NAA35: variants seen among roughly 807,000 people sequenced by gnomAD.
NAA35 encodes MAK10 homolog, amino-acid N-acetyltransferase subunit.
Under a neutral mutation model 101.7 loss-of-function variants are expected in NAA35, and 18 were observed. The ratio of observed to expected loss-of-function variants is 0.18; its 90% confidence interval spans 0.12 to 0.26. The LOEUF (loss-of-function observed/expected upper bound fraction) is 0.26, where lower values mean the gene tolerates loss of function less well. NAA35 is among the 10% of genes least tolerant of loss of function. The pLI is 1.00. For synonymous variants in NAA35, 267 were observed against 273.1 expected, an observed-to-expected ratio of 0.98 and a Z score of 0.22; for missense variants, 601 against 886.8, an observed-to-expected ratio of 0.68 and a Z score of 4.09.
chr9:85,947,056 A>G (rs1828800542), intron 2 of NAA35, among the ~76,000 whole-genome samples: 1 of 152,152 alleles, frequency 6.6e-6, no homozygotes, highest in African/African-American at 2.4e-5. Flanking sequence ...TGTTTCTTCA[A>G]ACTGGAGAAT....
At chr9:85,948,331 C>G (rs912535490) in intron 2 of NAA35, among the ~76,000 whole-genome samples, 1 of 152,168 alleles carries the variant, frequency 6.6e-6, no homozygotes, top group African/African-American at 2.4e-5. Context: ...ATTAATGAAT[C>G]TAGAATTCAT....
At chr9:85,962,717 A>G (rs1829574271) in intron 6 of NAA35, among the ~76,000 whole-genome samples, 1 of 152,156 alleles carries the variant, frequency 6.6e-6, no homozygotes. Context: ...TTTCTGTAGT[A>G]CCATTCATTG....
At chr9:86,017,365 C>T (rs921445476) in intron 18 of NAA35, 133 bp from the exon 19 acceptor site, 17 of 635,040 alleles carry the variant, frequency 2.7e-5, no homozygotes, top group South Asian at 7.6e-5. Flanking sequence ...AAAATTTAAC[C>T]TGTAGGAACA....
At chr9:85,965,486 G>T (rs1829704335) in intron 6 of NAA35, among the ~76,000 whole-genome samples, 1 of 152,026 alleles carries the variant, frequency 6.6e-6, no homozygotes. Context: ...AAATTAGCTG[G>T]GTGTGGTGCT....
At chr9:85,974,666 T>C (rs1236771334) in intron 6 of NAA35, among the ~76,000 whole-genome samples, 2 of 152,226 alleles carry the variant, frequency 1.3e-5, no homozygotes, top group Admixed American at 6.5e-5. Flanking sequence ...GTGAGAATTA[T>C]TACTGTGCGA....
Position 85,950,419 on chromosome 9 carries a change from A to G in NAA35, c.125-5941A>G, listed in dbSNP as rs900509026. On this transcript the variant is annotated intron_variant, in intron 2 of 22. Transcript: ENST00000361671. ...TGCCACCGCACCTGGCTAATTTTGT[A>G]TTTTTAGCAGAGATGGGGTTTCACC... 2.6e-5 allele frequency among the ~76,000 whole-genome samples: 4 copies of G among 152,156 alleles called. No homozygotes were observed. In the South Asian group the frequency reaches 6.2e-4, roughly 24 times the overall value.
intron 11 of NAA35, among the ~76,000 whole-genome samples, chr9:85,982,261 AGCAGATG>A (rs888177201): frequency 2.6e-5 from 4 of 152,092 alleles, no homozygotes; most frequent in Non-Finnish European, 5.9e-5. Context: ...TTATTGAGGG[AGCAGATG>A]GTATTTACTT....
chr9:85,976,775 T>G, intron 9 of NAA35, 40 bp downstream of exon 9: 1 of 1,437,532 alleles, frequency 7.0e-7, no homozygotes, highest in Non-Finnish European at 9.6e-7. Context: ...ATCAGAGAAG[T>G]CTACCTGTTA....
rs1386245580 is a variant in NAA35 at position 85,986,418 on chromosome 9, T to C, written c.877+8037T>C. ...TGCAGGCATGTAATTTGTATGTGGT[T>C]ACAGTGCTACTTGTTTTTTGTTTTA... On this transcript the variant is annotated intron_variant, in intron 11 of 22. Coordinates refer to ENST00000361671, the MANE Select transcript of NAA35 (RefSeq NM_024635.4). 6.4e-6 allele frequency: 3 copies of C among 470,104 alleles called. No individual in the cohort carries two copies. In the East Asian group the frequency reaches 2.1e-4, roughly 33 times the overall value. The allele number at this position is 470,104 out of a possible 1,614,324, so 29.1% of individuals were successfully genotyped here.
rs1829429001 is a variant in NAA35, at chr9:85,959,670, A to G, written c.274-123A>G. The G allele has an allele frequency of 6.5e-6, 4 of 611,268 alleles. No homozygotes were observed. The South Asian group carries it at 9.0e-5, about 14-fold the overall frequency. The allele number at this position is 611,268 out of a possible 1,614,324, so 37.9% of individuals were successfully genotyped here. On this transcript the variant is annotated intron_variant, in intron 4 of 22. Coordinates refer to ENST00000361671, the MANE Select transcript of NAA35 (RefSeq NM_024635.4). Reference sequence around the variant, plus strand: ...TGATAGTTTTATCAGATGATAAGATAGCATTTTCTTAGAATTGCTGTTTTT... The same window carrying G: ...TGATAGTTTTATCAGATGATAAGATGGCATTTTCTTAGAATTGCTGTTTTT...
chr9:85,971,042 C>G (rs949915947), intron 6 of NAA35, among the ~76,000 whole-genome samples: 4 of 152,206 alleles, frequency 2.6e-5, no homozygotes, highest in African/African-American at 9.7e-5. Flanking sequence ...ACTAGGCTCT[C>G]CTTCACTACT....
chr9:85,955,074 C>T (rs1330758770), intron 2 of NAA35, among the ~76,000 whole-genome samples: 1 of 151,758 alleles, frequency 6.6e-6, no homozygotes, highest in African/African-American at 2.4e-5. Context: ...CCCACCACCA[C>T]ACCTGGCTAT....
intron 1 of NAA35, 157 bp from the exon 2 acceptor site, chr9:85,941,998 A>G: frequency 7.8e-7 from 1 of 1,285,754 alleles, no homozygotes; most frequent in Non-Finnish European, 1.0e-6. Context: ...GATTGCATTA[A>G]GGTTATTCTT....
chr9:85,963,871 A>G (rs1010376992), intron 6 of NAA35, among the ~76,000 whole-genome samples: 3 of 152,236 alleles, frequency 2.0e-5, no homozygotes, highest in African/African-American at 7.2e-5. Context: ...AATTTCAGAT[A>G]GCTGAAATGT....
intron 22 of NAA35, 93 bp from the exon 23 acceptor site, chr9:86,021,808 A>G: frequency 9.4e-7 from 1 of 1,066,322 alleles, no homozygotes; most frequent in African/African-American, 1.6e-5. Flanking sequence ...GTTTCTAAGA[A>G]CACAAGAAAC....
intron 12 of NAA35, among the ~76,000 whole-genome samples, chr9:85,997,216 C>T (rs1338331582): frequency 6.6e-6 from 1 of 152,094 alleles, no homozygotes. Context: ...CCTACTTCTG[C>T]CTCCCAAAAT....
At chr9:86,001,484 G>T (rs972752440) in intron 12 of NAA35, among the ~76,000 whole-genome samples, 7 of 152,152 alleles carry the variant, frequency 4.6e-5, no homozygotes, top group Non-Finnish European at 1.0e-4. Flanking sequence ...TCATTGGAGT[G>T]TTGAAGTCTC....
chr9:86,013,028 A>G lies in NAA35; in HGVS notation c.1291-18A>G. ...GAAATTTCATATTTACAGTTGACAA[A>G]TTATATGTGTATTGCAGCCATTCTG... On this transcript the variant is annotated intron_variant, in intron 15 of 22. Transcript: ENST00000361671. 1 of 1,463,894 alleles carries G rather than the reference A, an allele frequency of 6.8e-7. No homozygotes were observed. Among genetic ancestry groups the G allele is most frequent in the Non-Finnish European group, 9.2e-7 (1 of 1,083,014 alleles). 90.7% of individuals were successfully genotyped at this position (1,463,894 alleles called of 1,614,324 possible).
At chr9:85,967,773 G>A (rs1381189913) in intron 6 of NAA35, among the ~76,000 whole-genome samples, 1 of 151,596 alleles carries the variant, frequency 6.6e-6, no homozygotes, top group African/African-American at 2.4e-5. Flanking sequence ...CTGCACTCCA[G>A]CCTGGGTGAC....
Sources: allele counts gnomAD v4.1 joint callset (sites outside exome capture counted in the v4.1 genomes callset), GRCh38; gene constraint gnomAD v4.1.1; transcripts MANE v1.5; gene names NCBI Gene and HGNC (gene_info 2026-07-23, HGNC 2026-07-21).